NTNG1: variants seen among roughly 807,000 people sequenced by gnomAD.
NTNG1 encodes the protein netrin-G1.
A neutral mutation model predicts 54.0 loss-of-function variants in NTNG1; 16 were observed. The ratio of observed to expected loss-of-function variants is 0.30; its 90% CI spans 0.20 to 0.45. The LOEUF (loss-of-function observed/expected upper bound fraction) is 0.45, where lower values mean the gene tolerates loss of function less well. Ranked by LOEUF, NTNG1 falls within the 20% of genes least tolerant of loss-of-function variation. NTNG1 has a pLI of 1.00. For missense variants in NTNG1, 530 were observed against 678.7 expected (o/e 0.78, Z 2.43); for synonymous variants, 255 against 263.1 (o/e 0.97, Z 0.30).
At position 107,472,336 on chromosome 1, in the gene NTNG1, A is replaced by T. The variant is rs567054590; in HGVS notation, c.1391-8275A>T. On this transcript the variant is annotated intron_variant, in intron 7 of 7. Coordinates refer to ENST00000370068, the MANE Select transcript of NTNG1 (RefSeq NM_001113226.3). ...TTTCTAACACTTTGCCTTCAAAATG[A>T]TAGGCTTTCCATTAAAAATATTCAT... Among the ~76,000 whole-genome samples, 425 of 152,334 alleles carry T rather than the reference A, an allele frequency of 2.8e-3. 1 individual carries two copies. The highest frequency in any genetic ancestry group is 9.8e-3 in the African/African-American group (407 of 41,570).
chr1:107,271,514 A>G (rs950966593), intron 2 of NTNG1, among the ~76,000 whole-genome samples: 1 of 152,212 alleles, frequency 6.6e-6, no homozygotes, highest in Non-Finnish European at 1.5e-5. Context: ...AAACACATTA[A>G]TAACTAGCAG....
At chr1:107,179,897 T>A (rs571395155) in intron 2 of NTNG1, among the ~76,000 whole-genome samples, 40 of 152,288 alleles carry the variant, frequency 2.6e-4, no homozygotes, top group African/African-American at 9.1e-4. Context: ...AGGGAGTAAG[T>A]CCAGTTTTAC....
intron 2 of NTNG1, among the ~76,000 whole-genome samples, chr1:107,243,776 G>A (rs1349737746): frequency 2.7e-5 from 4 of 147,104 alleles, no homozygotes; most frequent in African/African-American, 5.0e-5. Context: ...GAGAGTTTTC[G>A]TTTTTTTTTT....
intron 2 of NTNG1, among the ~76,000 whole-genome samples, chr1:107,277,537 G>T (rs560829131): frequency 1.1e-4 from 16 of 152,310 alleles, no homozygotes; most frequent in South Asian, 8.3e-4. Context: ...ATTCTGACAT[G>T]ATAGAGAAAA....
intron 7 of NTNG1, among the ~76,000 whole-genome samples, chr1:107,442,367 C>G (rs114325590): frequency 1.8e-4 from 27 of 152,122 alleles, no homozygotes; most frequent in Non-Finnish European, 3.5e-4. Flanking sequence ...CATACAATCA[C>G]TTTTATTAAA....
Position 107,148,801 on chromosome 1 carries a change from A to T in NTNG1, c.208A>T (p.Ile70Phe), listed in dbSNP as rs200163382. The T allele has an allele frequency of 6.2e-7, 1 of 1,613,752 alleles. No homozygotes were observed. Among genetic ancestry groups the T allele is most frequent in the Non-Finnish European group, 8.5e-7 (1 of 1,179,678 alleles). Residue 70 changes from isoleucine to phenylalanine, a missense_variant, in exon 2 of 8, where the codon ATT becomes TTT. Transcript: ENST00000370068. ...YLKVKLDPPD[I>F]TCGDPPETFC... is the part of the protein sequence containing the mutation. The stretch of plus-strand genomic sequence containing the variant: ...GAAAGTGAAACTCGATCCTCCGGAT[A>T]TTACCTGTGGAGACCCTCCTGAGAC...
At chr1:107,282,130 T>G (rs1664903306) in intron 2 of NTNG1, among the ~76,000 whole-genome samples, 1 of 152,118 alleles carries the variant, frequency 6.6e-6, no homozygotes, top group South Asian at 2.1e-4. Flanking sequence ...ATAGGGGAAG[T>G]TTCAATCATT....
intron 1 of NTNG1, among the ~76,000 whole-genome samples, chr1:107,142,816 G>T (rs1296160222): frequency 6.6e-6 from 1 of 151,654 alleles, no homozygotes; most frequent in Non-Finnish European, 1.5e-5. Flanking sequence ...TGTCCCTTGA[G>T]GAGGATCTCT....
chr1:107,456,035 C>A (rs976086373), intron 7 of NTNG1, among the ~76,000 whole-genome samples: 1 of 152,106 alleles, frequency 6.6e-6, no homozygotes, highest in East Asian at 1.9e-4. Flanking sequence ...AGGGATAGAA[C>A]GATTCCCCAG....
At chr1:107,399,185 T>C (rs933968233) in intron 4 of NTNG1, among the ~76,000 whole-genome samples, 1 of 152,180 alleles carries the variant, frequency 6.6e-6, no homozygotes, top group Admixed American at 6.6e-5. Flanking sequence ...CAACCTATTT[T>C]ACCCAATGTT....
At chr1:107,480,590 A>AAAAAAC in intron 7 of NTNG1, 21 bp from the exon 8 acceptor site, 1 of 352,596 alleles carries the variant, frequency 2.8e-6, no homozygotes, top group Non-Finnish European at 4.6e-6. Context: ...ACCCACCCCT[A>AAAAAAC]CCTTCCCCCT....
intron 2 of NTNG1, among the ~76,000 whole-genome samples, chr1:107,252,394 A>C (rs1051816844): frequency 1.3e-5 from 2 of 152,224 alleles, no homozygotes; most frequent in Admixed American, 1.3e-4. Flanking sequence ...AAACCAGTGC[A>C]TGCAAGCTTA....
intron 2 of NTNG1, among the ~76,000 whole-genome samples, chr1:107,222,436 A>G (rs1660406830): frequency 6.6e-6 from 1 of 152,218 alleles, no homozygotes; most frequent in African/African-American, 2.4e-5. Context: ...TGGAAATAAT[A>G]ACAGAGACTA....
At chr1:107,423,281 C>T (rs1214953333) in intron 5 of NTNG1, among the ~76,000 whole-genome samples, 1 of 151,952 alleles carries the variant, frequency 6.6e-6, no homozygotes, top group Admixed American at 6.6e-5. Flanking sequence ...GTGGATTTTG[C>T]CCCCCAGGGG....
At chr1:107,417,832 C>T (rs1674318746) in intron 5 of NTNG1, among the ~76,000 whole-genome samples, 1 of 152,058 alleles carries the variant, frequency 6.6e-6, no homozygotes, top group Non-Finnish European at 1.5e-5. Flanking sequence ...GCTCTTCTGC[C>T]TTCCATAACT....
intron 2 of NTNG1, among the ~76,000 whole-genome samples, chr1:107,159,635 C>T (rs1655266862): frequency 6.6e-6 from 1 of 152,124 alleles, no homozygotes; most frequent in Non-Finnish European, 1.5e-5. Context: ...CTATTCTATT[C>T]CTCCCCTAAT....
intron 2 of NTNG1, among the ~76,000 whole-genome samples, chr1:107,208,072 G>A (rs1005836696): frequency 4.6e-5 from 7 of 152,148 alleles, no homozygotes; most frequent in African/African-American, 1.7e-4. Context: ...AAGTGCTCAA[G>A]GCGTCGAAGG....
intron 2 of NTNG1, among the ~76,000 whole-genome samples, chr1:107,295,922 A>G (rs1373653078): frequency 6.6e-6 from 1 of 152,080 alleles, no homozygotes; most frequent in Non-Finnish European, 1.5e-5. Context: ...GTCCCTGTTG[A>G]CCACTTTCAG....
At chr1:107,351,387 G>C (rs1171595838) in intron 3 of NTNG1, among the ~76,000 whole-genome samples, 1 of 152,204 alleles carries the variant, frequency 6.6e-6, no homozygotes, top group Non-Finnish European at 1.5e-5. Context: ...CATGGCAGCA[G>C]CTGCTTCTGG....
Sources: gnomAD v4.1 joint callset for allele counts (sites outside exome capture counted in the v4.1 genomes callset) on GRCh38, gnomAD v4.1.1 for gene constraint, MANE v1.5 for transcripts, NCBI Gene and HGNC (gene_info 2026-07-23, HGNC 2026-07-21) for gene names.